The following RHOBTB2 variants were observed in gnomAD, a reference collection of about 807,000 sequenced individuals.
The protein encoded by RHOBTB2 is rho-related BTB domain-containing protein 2.
Under a neutral mutation model 66.5 loss-of-function variants are expected in RHOBTB2, and 39 were observed. The ratio of observed to expected loss-of-function variants is 0.59; its 90% confidence interval spans 0.45 to 0.77. RHOBTB2 has a LOEUF of 0.77. Ranked by LOEUF, RHOBTB2 falls within the 30% of genes least tolerant of loss-of-function variation. RHOBTB2 has a pLI of 0.00. For synonymous variants in RHOBTB2, 390 were observed against 395.0 expected, an observed-to-expected ratio of 0.99 and a Z score of 0.15; for missense variants, 755 against 999.1, an observed-to-expected ratio of 0.76 and a Z score of 3.29.
rs1395947958 is a variant in RHOBTB2, at chr8:23,020,153, T to C, written c.*2684T>C. The C allele has an allele frequency of 2.5e-6, 1 of 400,054 alleles. No homozygotes were observed. The highest frequency in any genetic ancestry group is 5.0e-6 in the Non-Finnish European group (1 of 200,838). 24.8% of individuals were successfully genotyped at this position (400,054 alleles called of 1,614,324 possible). A position where few individuals can be genotyped will look rare whatever the true frequency, so the allele number is the denominator to read the frequency against. Reference sequence around the variant, plus strand: ...ACCTCTTTTTATATAAGGTTTCATATTTAATTTGGTCATGGATTCATAAAT... The same window carrying C: ...ACCTCTTTTTATATAAGGTTTCATACTTAATTTGGTCATGGATTCATAAAT... On this transcript the variant is annotated 3_prime_UTR_variant, in exon 10 of 10. Coordinates refer to ENST00000251822, the MANE Select transcript of RHOBTB2 (RefSeq NM_015178.3).
Position 23,005,462 on chromosome 8 carries a change from T to A in RHOBTB2, c.283T>A (p.Phe95Ile). ...TGGAGACCACCACAAAGACCGTCGC[T>A]TTGCTTATGGGAGGTAGGGAAGGCC... The part of the protein sequence containing the change: ...TFGDHHKDRR[F>I]AYGRSDVVVL... Residue 95 changes from phenylalanine (F) to isoleucine (I), a missense_variant, in exon 3 of 10, where the codon TTT (phenylalanine) becomes ATT (isoleucine). Phe to Ile is a conservative substitution (Grantham distance 21, BLOSUM62 0). Transcript: ENST00000251822. The A allele has an allele frequency of 6.2e-7, 1 of 1,613,054 alleles. No individual in the cohort carries two copies. The highest frequency in any genetic ancestry group is 8.5e-7 in the Non-Finnish European group (1 of 1,179,116).
chr8:23,006,425 A>T lies in RHOBTB2; in HGVS notation c.482+280A>T. ...TATAATTTTGCTGAGGGATAAACTA[A>T]ATATGTGAGCATGTTAAATACCCAT... is the stretch of plus-strand genomic sequence containing the variant. On this transcript the variant is annotated intron_variant, in intron 4 of 9. Coordinates refer to ENST00000251822, the MANE Select transcript of RHOBTB2 (RefSeq NM_015178.3). The surrounding 1 kb of genome is among the most constrained non-coding windows in gnomAD (Gnocchi z 6.1). 1.8e-6 allele frequency: 1 copy of T among 558,210 alleles called. No homozygotes were observed. Among genetic ancestry groups the T allele is most frequent in the Non-Finnish European group, 3.2e-6 (1 of 314,770 alleles). The allele number at this position is 558,210 out of a possible 1,614,324, so 34.6% of individuals were successfully genotyped here.
intron 1 of RHOBTB2, among the ~76,000 whole-genome samples, chr8:22,989,094 G>A (rs1585178699): frequency 6.6e-6 from 1 of 152,098 alleles, no homozygotes; most frequent in Non-Finnish European, 1.5e-5. Flanking sequence ...ATCAATACAC[G>A]CATACTTTCC....
upstream of RHOBTB2, chr8:22,995,849 T>C: frequency 1.9e-6 from 3 of 1,551,514 alleles, no homozygotes; most frequent in South Asian, 2.4e-5. Context: ...GCAGAGGCTG[T>C]AGTGTTCCAG....
intron 1 of RHOBTB2, 60 bp downstream of exon 1, chr8:23,000,165 GCTCCGCCCTCCCTGCCCTGCCGCGCCC>G (rs1039744393): frequency 1.0e-6 from 1 of 976,072 alleles, no homozygotes; most frequent in Non-Finnish European, 1.2e-6. Flanking sequence ...CAGACGCGCC[GCTCCGCCCTCCCTGCCCTGCCGCGCCC>G]CTCGCTACGT....
chr8:22,961,501 T>C, the RHOBTB2 span, among the ~76,000 whole-genome samples: 1 of 152,196 alleles, frequency 6.6e-6, no homozygotes, highest in Non-Finnish European at 1.5e-5. Flanking sequence ...CCTTCTTTGC[T>C]CAGTTAAACT....
At chr8:22,992,113 A>G (rs1810440940) in exon 2 of RHOBTB2, 1 of 152,266 alleles carries the variant, frequency 6.6e-6, no homozygotes, top group Non-Finnish European at 1.5e-5. Flanking sequence ...GAAGGTCAAC[A>G]TATAACTTTC....
chr8:22,960,193 C>CA, the RHOBTB2 span, among the ~76,000 whole-genome samples: 2 of 144,472 alleles, frequency 1.4e-5, no homozygotes, highest in African/African-American at 5.0e-5. Context: ...AAAAAAAAAA[C>CA]AAAAAAACAA....
chr8:22,979,748 T>C, the RHOBTB2 span, among the ~76,000 whole-genome samples: 44 of 121,204 alleles, frequency 3.6e-4, no homozygotes, highest in East Asian at 8.7e-3. Flanking sequence ...CTTTCTTTTT[T>C]TTTTTTTTTT....
At chr8:22,987,042 T>C (rs1460890398), upstream of RHOBTB2, among the ~76,000 whole-genome samples, 1 of 152,258 alleles carries the variant, frequency 6.6e-6, no homozygotes, top group Non-Finnish European at 1.5e-5. Context: ...CAGAATTAAT[T>C]ACTGGTGGGG....
upstream of RHOBTB2, among the ~76,000 whole-genome samples, chr8:22,996,961 C>T (rs920549942): frequency 1.3e-5 from 2 of 152,066 alleles, no homozygotes; most frequent in Non-Finnish European, 2.9e-5. Context: ...GTGGGGGTCC[C>T]GGGGCAGTCC....
chr8:22,988,494 G>A (rs1002124334), intron 1 of RHOBTB2, among the ~76,000 whole-genome samples: 9 of 151,912 alleles, frequency 5.9e-5, no homozygotes, highest in Admixed American at 2.6e-4. Context: ...TCACTCCCAC[G>A]TCCTGGGTGG....
rs1810953276 is a variant in RHOBTB2, at chr8:23,006,481, G to C, written c.483-247G>C. ...GCATTGCCTGCTAATTGCCAGAGAG[G>C]CAGTGCTGTCACGGCTTTGTACTGG... On this transcript the variant is annotated intron_variant, in intron 4 of 9. Transcript: ENST00000251822. The surrounding 1 kb of genome is among the most constrained non-coding windows in gnomAD (Gnocchi z 6.1). 1.8e-6 allele frequency: 1 copy of C among 566,328 alleles called. No individual in the cohort carries two copies. Among genetic ancestry groups the C allele is most frequent in the African/African-American group, 1.9e-5 (1 of 53,486 alleles). 35.1% of individuals were successfully genotyped at this position (566,328 alleles called of 1,614,324 possible).
chr8:22,970,839 G>T, the RHOBTB2 span, among the ~76,000 whole-genome samples: 1 of 152,132 alleles, frequency 6.6e-6, no homozygotes, highest in Non-Finnish European at 1.5e-5. Flanking sequence ...CAACTCCGCA[G>T]ATGGTTGCTG....
the RHOBTB2 span, among the ~76,000 whole-genome samples, chr8:22,957,416 C>T: frequency 2.7e-3 from 409 of 152,310 alleles, 1 homozygote; most frequent in Non-Finnish European, 4.4e-3. Context: ...CAAACACATC[C>T]CTGATTTGGG....
At chr8:22,989,445 C>T (rs927591227) in intron 1 of RHOBTB2, among the ~76,000 whole-genome samples, 5 of 152,222 alleles carry the variant, frequency 3.3e-5, no homozygotes, top group Admixed American at 6.5e-5. Flanking sequence ...TGCATCTGGC[C>T]GCATTTCAAC....
Position 23,014,690 on chromosome 8 carries a change from A to G in RHOBTB2, c.1772A>G (p.Glu591Gly). The change falls in exon 8 of 10, where the codon GAG (glutamate) becomes GGG (glycine). Residue 591 changes from glutamate (E) to glycine (G), a missense_variant and splice_region_variant. This residue lies in a region of RHOBTB2 where 353 missense variants were observed against 458.2 expected (regional missense o/e 0.77). Coordinates refer to ENST00000251822, the MANE Select transcript of RHOBTB2 (RefSeq NM_015178.3). The stretch of plus-strand genomic sequence containing the variant: ...TGATTGGTGGCCGTGTGTGTTACAG[A>G]GCAGTACACAGTGACCGGGCTGATG... ...LCLPHLVALTEQYTVTGLMEA... is the reference protein window; with the variant it reads ...LCLPHLVALTGQYTVTGLMEA... 6.2e-7 allele frequency: 1 copy of G among 1,613,702 alleles called. No individual in the cohort carries two copies. Among genetic ancestry groups the G allele is most frequent in the Non-Finnish European group, 8.5e-7 (1 of 1,179,666 alleles).
At chr8:22,969,152 G>A in the RHOBTB2 span, among the ~76,000 whole-genome samples, 6 of 152,160 alleles carry the variant, frequency 3.9e-5, no homozygotes, top group Admixed American at 2.0e-4. Flanking sequence ...ATGGCAGCAG[G>A]CAAGAGAGAG....
At chr8:22,996,697 G>T (rs1810577234), upstream of RHOBTB2, among the ~76,000 whole-genome samples, 1 of 152,106 alleles carries the variant, frequency 6.6e-6, no homozygotes, top group Non-Finnish European at 1.5e-5. Context: ...CAGGGCCTGG[G>T]GTGGGAGGGC....
Sources: allele counts gnomAD v4.1 joint callset (sites outside exome capture counted in the v4.1 genomes callset), GRCh38; gene constraint gnomAD v4.1.1; regional missense constraint gnomAD v4.1.1; non-coding constraint Gnocchi (gnomAD v3.1); transcripts MANE v1.5; gene names NCBI Gene and HGNC (gene_info 2026-07-23, HGNC 2026-07-21).